Variants in MEIKIN observed in about 807,000 individuals in gnomAD.
MEIKIN encodes meiotic kinetochore factor, also known as meiosis-specific kinetochore protein.
intron 9 of MEIKIN, among the ~76,000 whole-genome samples, chr5:131,875,133 G>A (rs1017717636): frequency 6.6e-6 from 1 of 152,232 alleles, no homozygotes. Context: ...AGTGTTGGAA[G>A]TTCTGGCCAG....
At chr5:131,855,946 C>G (rs1483543776) in intron 9 of MEIKIN, among the ~76,000 whole-genome samples, 1 of 152,200 alleles carries the variant, frequency 6.6e-6, no homozygotes, top group Non-Finnish European at 1.5e-5. Context: ...CTCCATGAAG[C>G]AACCATATCC....
chr5:131,928,399 T>C (rs574474644), intron 5 of MEIKIN, among the ~76,000 whole-genome samples: 7 of 152,290 alleles, frequency 4.6e-5, no homozygotes, highest in African/African-American at 1.7e-4. Flanking sequence ...GCTTTTCTTT[T>C]TCTTCTTTTG....
chr5:131,890,310 G>A (rs7701017), intron 8 of MEIKIN, among the ~76,000 whole-genome samples: 16,520 of 152,164 alleles, frequency 0.11, 2,158 homozygotes, highest in African/African-American at 0.31. Context: ...GTAGAATTCA[G>A]CTGTGAATCC....
At chr5:131,822,781 C>A (rs1040333416) in intron 11 of MEIKIN, among the ~76,000 whole-genome samples, 3 of 152,052 alleles carry the variant, frequency 2.0e-5, no homozygotes, top group Non-Finnish European at 4.4e-5. Context: ...GAGTTTTCTA[C>A]CTTTAGGTGA....
intron 11 of MEIKIN, among the ~76,000 whole-genome samples, chr5:131,842,923 C>T (rs932291001): frequency 2.6e-5 from 4 of 152,256 alleles, no homozygotes; most frequent in African/African-American, 9.6e-5. Flanking sequence ...GCCCCTGCAG[C>T]AGACTTCTGC....
chr5:131,887,192 T>C (rs898964398), intron 8 of MEIKIN, among the ~76,000 whole-genome samples: 1 of 152,080 alleles, frequency 6.6e-6, no homozygotes, highest in Non-Finnish European at 1.5e-5. Context: ...CAGTATTCCA[T>C]GGGGTATATG....
intron 12 of MEIKIN, among the ~76,000 whole-genome samples, chr5:131,810,105 A>G (rs1363161287): frequency 6.6e-6 from 1 of 152,214 alleles, no homozygotes; most frequent in Non-Finnish European, 1.5e-5. Context: ...CCTATTCTTA[A>G]GTGATTTGTA....
intron 8 of MEIKIN, among the ~76,000 whole-genome samples, chr5:131,884,072 C>T (rs1750737720): frequency 6.8e-6 from 1 of 147,184 alleles, no homozygotes; most frequent in East Asian, 2.1e-4. Flanking sequence ...CCTAAATAAA[C>T]TTGAAAGTCT....
At chr5:131,839,645 G>C (rs1490151431) in intron 11 of MEIKIN, among the ~76,000 whole-genome samples, 1 of 152,102 alleles carries the variant, frequency 6.6e-6, no homozygotes, top group African/African-American at 2.4e-5. Flanking sequence ...TTTATTATCT[G>C]TTTTGTCAGA....
At chr5:131,894,785 T>A (rs980331846) in intron 8 of MEIKIN, among the ~76,000 whole-genome samples, 30 of 152,228 alleles carry the variant, frequency 2.0e-4, no homozygotes, top group Admixed American at 3.3e-4. Context: ...CCTATCAGCT[T>A]AAGGAGATTT....
At position 131,857,456 on chromosome 5, in the gene MEIKIN, A is replaced by G. The variant is rs117094331; in HGVS notation, c.775-2622T>C. Among the ~76,000 whole-genome samples, 34 of 152,292 alleles carry G rather than the reference A, an allele frequency of 2.2e-4. 1 individual carries two copies. The East Asian group carries it at 6.4e-3, about 29-fold the overall frequency. On this transcript the variant is annotated intron_variant, in intron 9 of 12. Transcript: ENST00000442687. The stretch of plus-strand genomic sequence containing the variant: ...TTGGGTAACTGTAGGACCTGGACAG[A>G]GTAGGGCAGTCTTGTCCATGAGATA...
intron 9 of MEIKIN, among the ~76,000 whole-genome samples, chr5:131,863,556 C>CTTTTTTTTTT (rs1750325066): frequency 2.4e-5 from 1 of 42,000 alleles, no homozygotes; most frequent in African/African-American, 1.2e-4. Flanking sequence ...CCTTCTTTGT[C>CTTTTTTTTTT]CTTTTTTTTT....
At chr5:131,844,387 A>G (rs1048807635) in intron 11 of MEIKIN, among the ~76,000 whole-genome samples, 3 of 152,238 alleles carry the variant, frequency 2.0e-5, no homozygotes, top group African/African-American at 7.2e-5. Flanking sequence ...GAGATTGAAA[A>G]CAAACAATAT....
chr5:131,894,774 G>A (rs900453634), intron 8 of MEIKIN, among the ~76,000 whole-genome samples: 3 of 152,156 alleles, frequency 2.0e-5, no homozygotes, highest in Admixed American at 2.0e-4. Flanking sequence ...TGCTGAAGTT[G>A]CCTATCAGCT....
intron 8 of MEIKIN, among the ~76,000 whole-genome samples, chr5:131,910,587 C>T (rs1024896357): frequency 2.0e-5 from 3 of 151,966 alleles, no homozygotes; most frequent in African/African-American, 4.8e-5. Context: ...AAGAGTATAA[C>T]TGTATTATTT....
intron 5 of MEIKIN, among the ~76,000 whole-genome samples, chr5:131,931,225 T>G (rs555031656): frequency 1.5e-4 from 23 of 152,358 alleles, no homozygotes; most frequent in South Asian, 1.2e-3. Context: ...TTGTCAACAT[T>G]GTAAGACAGG....
chr5:131,862,889 G>A (rs1750311801), intron 9 of MEIKIN, among the ~76,000 whole-genome samples: 1 of 152,026 alleles, frequency 6.6e-6, no homozygotes, highest in Admixed American at 6.6e-5. Context: ...GGAGACAACG[G>A]GGTTTCAATA....
chr5:131,830,901 TG>T (rs1749703149), intron 11 of MEIKIN, among the ~76,000 whole-genome samples: 1 of 151,128 alleles, frequency 6.6e-6, no homozygotes, highest in Non-Finnish European at 1.5e-5. Flanking sequence ...AGGAGGACTT[TG>T]GTTTTTTTTT....
intron 11 of MEIKIN, among the ~76,000 whole-genome samples, chr5:131,827,507 A>G (rs1749635377): frequency 6.6e-6 from 1 of 152,212 alleles, no homozygotes; most frequent in Non-Finnish European, 1.5e-5. Context: ...GGCTATGAGA[A>G]GGTTGAAAAT....
Sources: allele counts gnomAD v4.1 joint callset (sites outside exome capture counted in the v4.1 genomes callset), GRCh38; gene constraint gnomAD v4.1.1; transcripts MANE v1.5; gene names NCBI Gene and HGNC (gene_info 2026-07-23, HGNC 2026-07-21).